MECOM: variants seen among roughly 807,000 people sequenced by gnomAD.
MECOM encodes histone-lysine N-methyltransferase MECOM.
MECOM carries 13 observed loss-of-function variants against 116.3 expected under a neutral mutation model. That is an observed-to-expected ratio of 0.11 (90% confidence interval 0.07 to 0.18). The LOEUF (loss-of-function observed/expected upper bound fraction) is 0.18, where lower values mean the gene tolerates loss of function less well. Ranked by LOEUF, MECOM falls within the 10% of genes least tolerant of loss-of-function variation. The probability of loss-of-function intolerance (pLI) is 1.00; values close to 1 mark genes in which losing one functional copy is unlikely to be tolerated. For synonymous variants in MECOM, 528 were observed against 535.2 expected (o/e 0.99, Z 0.19); for missense variants, 1,299 against 1,509.0 (o/e 0.86, Z 2.31).
intron 1 of MECOM, among the ~76,000 whole-genome samples, chr3:169,493,868 G>C (rs1753465330): frequency 1.3e-5 from 2 of 152,092 alleles, no homozygotes; most frequent in Non-Finnish European, 2.9e-5. Flanking sequence ...TGAAGGGAAG[G>C]AACCATAGAG....
At chr3:169,613,415 T>C (rs1173383823) in intron 1 of MECOM, 1 of 152,220 alleles carries the variant, frequency 6.6e-6, no homozygotes, top group African/African-American at 2.4e-5. Context: ...TTAAGTTTTT[T>C]GGAAGGGACA....
chr3:169,594,890 A>C (rs1178688027), intron 1 of MECOM, among the ~76,000 whole-genome samples: 1 of 151,032 alleles, frequency 6.6e-6, no homozygotes, highest in Non-Finnish European at 1.5e-5. Context: ...AAAAAAAAAA[A>C]ACAAAAAAAA....
intron 2 of MECOM, among the ~76,000 whole-genome samples, chr3:169,224,679 T>C (rs571814935): frequency 1.3e-5 from 2 of 152,336 alleles, no homozygotes; most frequent in Admixed American, 1.3e-4. Flanking sequence ...TAGCTCATTG[T>C]TTGTAGTGTG....
intron 2 of MECOM, chr3:169,147,427 G>C (rs1210962977): frequency 7.1e-6 from 7 of 985,454 alleles, no homozygotes; most frequent in Non-Finnish European, 8.4e-6. Flanking sequence ...AAAGAACCCG[G>C]GGCGAGGGAG....
At chr3:169,555,156 A>G (rs1242471517) in intron 1 of MECOM, among the ~76,000 whole-genome samples, 1 of 152,222 alleles carries the variant, frequency 6.6e-6, no homozygotes, top group African/African-American at 2.4e-5. Context: ...TCACAGCTTG[A>G]GTGATGAAAT....
intron 1 of MECOM, among the ~76,000 whole-genome samples, chr3:169,385,901 TA>T (rs1409711977): frequency 6.6e-6 from 1 of 152,196 alleles, no homozygotes; most frequent in Admixed American, 6.5e-5. Context: ...CCCATAAAGA[TA>T]AATAACACTT....
At chr3:169,216,884 C>T (rs991722164) in intron 2 of MECOM, among the ~76,000 whole-genome samples, 1 of 146,498 alleles carries the variant, frequency 6.8e-6, no homozygotes, top group African/African-American at 2.5e-5. Flanking sequence ...ATTAAGCTAT[C>T]GCCGTGGCCA....
chr3:169,262,082 A>G lies in MECOM; in HGVS notation c.376-118250T>C, dbSNP rs950918305. Among the ~76,000 whole-genome samples the G allele has an allele frequency of 2.0e-5, 3 of 152,336 alleles. No individual in the cohort carries two copies. In the East Asian group the frequency reaches 5.8e-4, roughly 29 times the overall value. On this transcript the variant is annotated intron_variant, in intron 2 of 16. Transcript: ENST00000651503. ...CAATCTAGGAGCTTGGAATAAACTA[A>G]TGGACACGAGCCAAGAAAAATTAGC...
intron 1 of MECOM, among the ~76,000 whole-genome samples, chr3:169,635,609 C>A (rs1772639473): frequency 6.6e-6 from 1 of 152,202 alleles, no homozygotes; most frequent in Non-Finnish European, 1.5e-5. Flanking sequence ...CAAGACCATT[C>A]TCAAATGCTG....
intron 2 of MECOM, among the ~76,000 whole-genome samples, chr3:169,294,409 T>A (rs1198025612): frequency 6.6e-6 from 1 of 152,176 alleles, no homozygotes; most frequent in Non-Finnish European, 1.5e-5. Flanking sequence ...TTTTAACTAA[T>A]GTATTGATCA....
intron 1 of MECOM, among the ~76,000 whole-genome samples, chr3:169,601,537 T>G (rs968578541): frequency 5.3e-5 from 8 of 152,182 alleles, no homozygotes; most frequent in African/African-American, 1.7e-4. Context: ...TGCGCCGCAG[T>G]AGAAAAACAC....
At chr3:169,452,444 T>C (rs1056437393) in intron 1 of MECOM, among the ~76,000 whole-genome samples, 1 of 152,192 alleles carries the variant, frequency 6.6e-6, no homozygotes, top group Admixed American at 6.5e-5. Context: ...CTGTTAATTA[T>C]ATTATGCATC....
intron 2 of MECOM, among the ~76,000 whole-genome samples, chr3:169,304,368 T>C (rs1717299016): frequency 6.6e-6 from 1 of 152,194 alleles, no homozygotes; most frequent in African/African-American, 2.4e-5. Flanking sequence ...CCTAAAAGTT[T>C]TTTATGTATC....
intron 2 of MECOM, among the ~76,000 whole-genome samples, chr3:169,316,249 A>T (rs1051856577): frequency 1.9e-4 from 29 of 152,274 alleles, no homozygotes; most frequent in African/African-American, 6.8e-4. Context: ...AAATAAACAC[A>T]CAGCTCAGAA....
chr3:169,489,175 C>T (rs370846816), intron 1 of MECOM, among the ~76,000 whole-genome samples: 144 of 152,100 alleles, frequency 9.5e-4, no homozygotes, highest in African/African-American at 2.5e-3. Flanking sequence ...CTGAAATTGA[C>T]GCATAAATAA....
chr3:169,607,446 G>A (rs2032701), intron 1 of MECOM, among the ~76,000 whole-genome samples: 18,244 of 152,176 alleles, frequency 0.12, 1,450 homozygotes, highest in East Asian at 0.25. Flanking sequence ...GAGGGGAGAG[G>A]GAAATTGCAA....
chr3:169,364,097 A>G (rs1230291822), intron 2 of MECOM, among the ~76,000 whole-genome samples: 2 of 151,958 alleles, frequency 1.3e-5, no homozygotes, highest in Non-Finnish European at 2.9e-5. Context: ...AACGTGTGAC[A>G]TGGCCTGTAC....
chr3:169,545,120 A>G (rs958363342), intron 1 of MECOM, among the ~76,000 whole-genome samples: 5 of 152,236 alleles, frequency 3.3e-5, no homozygotes, highest in African/African-American at 7.2e-5. Flanking sequence ...AGCATTGTAC[A>G]TGGAAGAAGG....
At chr3:169,365,702 G>A (rs1729045988) in intron 2 of MECOM, among the ~76,000 whole-genome samples, 1 of 151,980 alleles carries the variant, frequency 6.6e-6, no homozygotes, top group Non-Finnish European at 1.5e-5. Flanking sequence ...TTCCTCACCA[G>A]TGCTTATATT....
Sources: gnomAD v4.1 joint callset for allele counts (sites outside exome capture counted in the v4.1 genomes callset) on GRCh38, gnomAD v4.1.1 for gene constraint, MANE v1.5 for transcripts, NCBI Gene and HGNC (gene_info 2026-07-23, HGNC 2026-07-21) for gene names.